The following STAC variants were observed in gnomAD, a reference collection of about 807,000 sequenced individuals.
STAC encodes the protein SH3 and cysteine-rich domain-containing protein.
Under a neutral mutation model 48.8 loss-of-function variants are expected in STAC, and 43 were observed. The ratio of observed to expected loss-of-function variants is 0.88; its 90% confidence interval spans 0.69 to 1.14. The LOEUF (loss-of-function observed/expected upper bound fraction) is 1.14, where lower values mean the gene tolerates loss of function less well. STAC is among the 50% of genes most tolerant of loss of function. STAC has a pLI of 0.00. For missense variants in STAC, 497 were observed against 504.0 expected (o/e 0.99, Z 0.13); for synonymous variants, 193 against 179.5 (o/e 1.07, Z -0.60).
intron 8 of STAC, among the ~76,000 whole-genome samples, chr3:36,517,913 A>G (rs565544148): frequency 1.3e-5 from 2 of 152,210 alleles, no homozygotes; most frequent in South Asian, 2.1e-4. Flanking sequence ...ACATTCAAGT[A>G]CACATTCATT....
At chr3:36,464,746 G>A (rs13100890) in intron 2 of STAC, among the ~76,000 whole-genome samples, 18,416 of 151,994 alleles carry the variant, frequency 0.12, 1,313 homozygotes, top group East Asian at 0.31. Flanking sequence ...AATAGTCTCC[G>A]ATTCCATCCA....
intron 1 of STAC, among the ~76,000 whole-genome samples, chr3:36,441,294 CT>C: frequency 6.6e-6 from 1 of 152,212 alleles, no homozygotes; most frequent in East Asian, 1.9e-4. Flanking sequence ...CTTTTAACTT[CT>C]ACGAGATCAA....
At chr3:36,482,022 C>T (rs931678431) in intron 2 of STAC, among the ~76,000 whole-genome samples, 3 of 152,202 alleles carry the variant, frequency 2.0e-5, no homozygotes, top group Admixed American at 6.5e-5. Context: ...ACCTTTCTTC[C>T]TCTTTTCTAA....
At chr3:36,476,393 G>C (rs987503437) in intron 2 of STAC, among the ~76,000 whole-genome samples, 12 of 152,192 alleles carry the variant, frequency 7.9e-5, no homozygotes, top group Non-Finnish European at 1.6e-4. Context: ...TTCATAGAAA[G>C]TAAGACTGTT....
intron 8 of STAC, among the ~76,000 whole-genome samples, chr3:36,523,161 A>G (rs1698846990): frequency 6.6e-6 from 1 of 152,242 alleles, no homozygotes; most frequent in African/African-American, 2.4e-5. Context: ...TGTCCTCCTC[A>G]CTGGTAAGCC....
intron 1 of STAC, among the ~76,000 whole-genome samples, chr3:36,411,035 C>T (rs528641240): frequency 4.6e-5 from 7 of 152,350 alleles, no homozygotes; most frequent in Non-Finnish European, 1.0e-4. Flanking sequence ...CTTCTTCACA[C>T]TGTCTATCAT....
rs1053128131 is a variant in STAC, at chr3:36,464,160, G to C, written c.389-18832G>C. On this transcript the variant is annotated intron_variant, in intron 2 of 10. Coordinates refer to ENST00000273183, the MANE Select transcript of STAC (RefSeq NM_003149.3). The stretch of plus-strand genomic sequence containing the variant: ...ACAGTGTAAAAGTGTTCCTATTTAT[G>C]CACATCCTCTCCAGCACCTGTTGTT... Among the ~76,000 whole-genome samples the C allele has an allele frequency of 1.1e-4, 16 of 152,194 alleles. No homozygotes were observed. In the East Asian group the frequency reaches 2.7e-3, roughly 26 times the overall value.
At chr3:36,404,697 A>T (rs577282753) in intron 1 of STAC, among the ~76,000 whole-genome samples, 2 of 152,306 alleles carry the variant, frequency 1.3e-5, no homozygotes, top group East Asian at 3.9e-4. Context: ...TGAACAAAGA[A>T]AGTCACAAAA....
In STAC at chr3:36,493,141, T is replaced by A; in HGVS notation, c.688-10T>A. ...TTGTTCATCCCATGCTCTTTCTTCT[T>A]TCCTCCAAGACTTCAGATCTTGTGG... On this transcript the variant is annotated splice_polypyrimidine_tract_variant and intron_variant, in intron 5 of 10. Transcript: ENST00000273183. The A allele has an allele frequency of 6.2e-7, 1 of 1,612,266 alleles. No individual in the cohort carries two copies. The highest frequency in any genetic ancestry group is 8.5e-7 in the Non-Finnish European group (1 of 1,178,832).
chr3:36,542,434 G>A (rs1262207332), intron 10 of STAC, among the ~76,000 whole-genome samples: 1 of 152,010 alleles, frequency 6.6e-6, no homozygotes, highest in Non-Finnish European at 1.5e-5. Context: ...CAGATTTTGT[G>A]GCTTCATCTT....
intron 5 of STAC, among the ~76,000 whole-genome samples, chr3:36,490,140 C>CT (rs1697928665): frequency 6.6e-6 from 1 of 150,460 alleles, no homozygotes; most frequent in East Asian, 1.9e-4. Context: ...CTCTTACTCC[C>CT]TCTCTGTGTG....
intron 2 of STAC, among the ~76,000 whole-genome samples, chr3:36,473,922 T>C (rs1170622193): frequency 6.6e-6 from 1 of 152,150 alleles, no homozygotes; most frequent in Non-Finnish European, 1.5e-5. Flanking sequence ...AGCCCCTGAA[T>C]AGGTAGGTGT....
intron 2 of STAC, among the ~76,000 whole-genome samples, chr3:36,468,222 G>C (rs981323653): frequency 1.3e-5 from 2 of 151,890 alleles, no homozygotes; most frequent in Non-Finnish European, 2.9e-5. Context: ...GAGAGTACTT[G>C]ATATAGTTTT....
intron 2 of STAC, among the ~76,000 whole-genome samples, chr3:36,473,415 T>TC (rs1697396647): frequency 6.6e-6 from 1 of 152,112 alleles, no homozygotes; most frequent in South Asian, 2.1e-4. Flanking sequence ...CTCAGGAAAA[T>TC]CACTATGGGG....
chr3:36,546,212 G>C lies in STAC; in HGVS notation c.1132G>C (p.Glu378Gln). The change falls in exon 11 of 11, where the codon GAA becomes CAA. Residue 378 changes from glutamate (E) to glutamine (Q), a missense_variant. Physicochemically the swap from Glu to Gln is conservative, Grantham distance 29. Coordinates refer to ENST00000273183, the MANE Select transcript of STAC (RefSeq NM_003149.3). Reference protein sequence around the residue: ...ENQICVSSEEEQDGFIRVLSG... With the variant: ...ENQICVSSEEQQDGFIRVLSG... Reference sequence around the variant, plus strand: ...TCAGATCTGCGTGAGTTCTGAAGAAGAACAAGATGGTTTTATCAGAGTCCT... The same window carrying C: ...TCAGATCTGCGTGAGTTCTGAAGAACAACAAGATGGTTTTATCAGAGTCCT... 1 of 1,613,938 alleles carries C rather than the reference G, an allele frequency of 6.2e-7. No homozygotes were observed. The highest frequency in any genetic ancestry group is 8.5e-7 in the Non-Finnish European group (1 of 1,179,916).
At chr3:36,517,269 C>G (rs967673388) in intron 8 of STAC, among the ~76,000 whole-genome samples, 2 of 152,134 alleles carry the variant, frequency 1.3e-5, no homozygotes, top group African/African-American at 4.8e-5. Context: ...CCACCAATTA[C>G]CCTTATTATC....
At chr3:36,438,157 G>C (rs976827575) in intron 1 of STAC, among the ~76,000 whole-genome samples, 1 of 151,928 alleles carries the variant, frequency 6.6e-6, no homozygotes, top group Non-Finnish European at 1.5e-5. Context: ...GGCTGGTCTC[G>C]AACTCCCAAC....
chr3:36,489,026 AT>A (rs1462456459), intron 5 of STAC, among the ~76,000 whole-genome samples: 1 of 152,098 alleles, frequency 6.6e-6, no homozygotes, highest in African/African-American at 2.4e-5. Flanking sequence ...CCGAGTTGAA[AT>A]TTTTTAAGAC....
At chr3:36,518,109 C>T (rs980892519) in intron 8 of STAC, among the ~76,000 whole-genome samples, 6 of 152,092 alleles carry the variant, frequency 3.9e-5, no homozygotes, top group African/African-American at 1.4e-4. Context: ...ACCAAGGCAC[C>T]TTTTTTAAGC....
Sources: gnomAD v4.1 joint callset for allele counts (sites outside exome capture counted in the v4.1 genomes callset) on GRCh38, gnomAD v4.1.1 for gene constraint, MANE v1.5 for transcripts, NCBI Gene and HGNC (gene_info 2026-07-23, HGNC 2026-07-21) for gene names.